Variants in CDK17 observed in about 807,000 individuals in gnomAD.
CDK17 encodes cyclin dependent kinase 17.
In CDK17, 24 loss-of-function variants were observed where a neutral mutation model predicts 77.6. The observed-to-expected ratio is 0.31, with a 90% CI of 0.22 to 0.44. CDK17 has a LOEUF of 0.44. CDK17 is among the 20% of genes least tolerant of loss of function. The probability of loss-of-function intolerance (pLI) is 1.00; values close to 1 mark genes in which losing one functional copy is unlikely to be tolerated. For missense variants in CDK17, 429 were observed against 622.5 expected, an observed-to-expected ratio of 0.69 and a Z score of 3.31; for synonymous variants, 203 against 210.4, an observed-to-expected ratio of 0.96 and a Z score of 0.30.
chr12:96,396,078 C>A (rs569573099), intron 1 of CDK17, among the ~76,000 whole-genome samples: 23 of 152,360 alleles, frequency 1.5e-4, no homozygotes, highest in African/African-American at 4.1e-4. Context: ...ATCTGTAAAT[C>A]TACATCCTCA....
At position 96,334,201 on chromosome 12, in the gene CDK17, T is replaced by C. The variant is rs570024993; in HGVS notation, c.118+518A>G. On this transcript the variant is annotated intron_variant, in intron 2 of 16. Coordinates refer to ENST00000261211, the MANE Select transcript of CDK17 (RefSeq NM_002595.5). ...CAGATTTGAATATGTAGCCTTCCTC[T>C]AGAAATTTCACCAGGATTTTGTATT... 3.3e-5 allele frequency among the ~76,000 whole-genome samples: 5 copies of C among 152,324 alleles called. No homozygotes were observed. In the East Asian group the frequency reaches 9.6e-4, roughly 29 times the overall value.
chr12:96,347,595 AG>A (rs1565830136), intron 1 of CDK17, among the ~76,000 whole-genome samples: 6,917 of 18,806 alleles, frequency 0.37, 1,474 homozygotes, highest in African/African-American at 0.61. Context: ...GGGGAGGGGA[AG>A]GGAGGGGAAG....
At chr12:96,294,095 C>A (rs1952365055) in intron 10 of CDK17, among the ~76,000 whole-genome samples, 1 of 152,172 alleles carries the variant, frequency 6.6e-6, no homozygotes, top group Non-Finnish European at 1.5e-5. Context: ...CTCAAATAAT[C>A]ACATGAGCAC....
chr12:96,387,806 G>T (rs939484129), intron 1 of CDK17, among the ~76,000 whole-genome samples: 1 of 151,698 alleles, frequency 6.6e-6, no homozygotes, highest in African/African-American at 2.4e-5. Context: ...AGCCGGGCAT[G>T]GTGGTGTGCA....
At chr12:96,349,608 G>GA (rs1953281335) in intron 1 of CDK17, among the ~76,000 whole-genome samples, 1 of 144,648 alleles carries the variant, frequency 6.9e-6, no homozygotes, top group African/African-American at 2.5e-5. Context: ...AAACAAAAGA[G>GA]AAAGGAATTT....
intron 1 of CDK17, among the ~76,000 whole-genome samples, chr12:96,389,835 G>T (rs979750721): frequency 1.4e-5 from 2 of 138,408 alleles, no homozygotes; most frequent in Non-Finnish European, 3.1e-5. Context: ...TTTGTTTTTT[G>T]TTTTTTTTTT....
intron 1 of CDK17, among the ~76,000 whole-genome samples, chr12:96,350,227 T>A (rs1953289511): frequency 6.6e-6 from 1 of 152,024 alleles, no homozygotes. Flanking sequence ...TCTATCAAAA[T>A]TTCAATGGTG....
chr12:96,389,209 C>T (rs1954025622), intron 1 of CDK17, among the ~76,000 whole-genome samples: 2 of 151,482 alleles, frequency 1.3e-5, no homozygotes, highest in Non-Finnish European at 2.9e-5. Context: ...TCCTAGGCTC[C>T]AGTGATCCTC....
chr12:96,362,304 T>C (rs766171826), intron 1 of CDK17, among the ~76,000 whole-genome samples: 3 of 152,096 alleles, frequency 2.0e-5, no homozygotes, highest in Non-Finnish European at 4.4e-5. Context: ...CTGCAACCTC[T>C]GCCTCCTGGG....
At chr12:96,308,731 AAATAATAAT>A (rs34304107) in intron 5 of CDK17, among the ~76,000 whole-genome samples, 39 of 132,572 alleles carry the variant, frequency 2.9e-4, no homozygotes, top group Admixed American at 1.0e-3. Context: ...CCGTCTCCAA[AAATAATAAT>A]AATAATAATA....
At chr12:96,291,628 CTTTT>C (rs1164677307) in intron 10 of CDK17, among the ~76,000 whole-genome samples, 57 of 117,774 alleles carry the variant, frequency 4.8e-4, no homozygotes, top group African/African-American at 1.1e-3. Context: ...ATTCCTTTTG[CTTTT>C]TTTTTTTTTT....
chr12:96,348,359 T>C (rs1953257484), intron 1 of CDK17, among the ~76,000 whole-genome samples: 1 of 151,696 alleles, frequency 6.6e-6, no homozygotes, highest in African/African-American at 2.4e-5. Flanking sequence ...ACCCCATCTC[T>C]ACTAAAATAC....
chr12:96,337,826 C>T (rs554580503), intron 1 of CDK17, among the ~76,000 whole-genome samples: 157 of 152,270 alleles, frequency 1.0e-3, no homozygotes, highest in African/African-American at 3.4e-3. Context: ...CCCAAATCAT[C>T]CTGTGCAGTC....
chr12:96,397,743 T>C (rs1395745451), intron 1 of CDK17, among the ~76,000 whole-genome samples: 1 of 152,192 alleles, frequency 6.6e-6, no homozygotes, highest in Non-Finnish European at 1.5e-5. Context: ...TCGATACTGA[T>C]AAATATGCAG....
intron 1 of CDK17, among the ~76,000 whole-genome samples, chr12:96,345,796 A>T (rs1369450782): frequency 6.6e-6 from 1 of 152,164 alleles, no homozygotes; most frequent in African/African-American, 2.4e-5. Context: ...CAGAAAAGAA[A>T]AAAAACAAAG....
intron 1 of CDK17, among the ~76,000 whole-genome samples, chr12:96,375,033 T>C (rs1953756020): frequency 6.6e-6 from 1 of 152,230 alleles, no homozygotes; most frequent in Admixed American, 6.5e-5. Context: ...TATATTTCTC[T>C]GCTGCACTTG....
intron 1 of CDK17, among the ~76,000 whole-genome samples, chr12:96,354,335 G>A (rs1375485920): frequency 6.6e-6 from 1 of 152,152 alleles, no homozygotes; most frequent in African/African-American, 2.4e-5. Context: ...TTAAAATCTA[G>A]CATGAGACAG....
At chr12:96,375,510 CTTTTTTT>C (rs34451499) in intron 1 of CDK17, among the ~76,000 whole-genome samples, 12 of 101,590 alleles carry the variant, frequency 1.2e-4, no homozygotes, top group Admixed American at 3.6e-4. Context: ...TGATCCTAAC[CTTTTTTT>C]TTTTTTTTTT....
intron 1 of CDK17, among the ~76,000 whole-genome samples, chr12:96,355,128 TC>T (rs1232452255): frequency 6.6e-6 from 1 of 152,150 alleles, no homozygotes; most frequent in Non-Finnish European, 1.5e-5. Context: ...CCTGCCCATC[TC>T]CTTTTTAACC....
Sources: allele counts gnomAD v4.1 joint callset (sites outside exome capture counted in the v4.1 genomes callset), GRCh38; gene constraint gnomAD v4.1.1; transcripts MANE v1.5; gene names NCBI Gene and HGNC (gene_info 2026-07-23, HGNC 2026-07-21).